TM9SF3: variants seen among roughly 807,000 people sequenced by gnomAD.
TM9SF3 encodes SM-11044-binding protein.
TM9SF3 carries 14 observed loss-of-function variants against 78.6 expected under a neutral mutation model. The observed-to-expected ratio is 0.18, with a 90% CI of 0.12 to 0.28. The LOEUF is 0.28. Ranked by LOEUF, TM9SF3 falls within the 10% of genes least tolerant of loss-of-function variation. The pLI is 1.00. For missense variants in TM9SF3, 496 were observed against 721.9 expected, an observed-to-expected ratio of 0.69 and a Z score of 3.59; for synonymous variants, 231 against 241.7, an observed-to-expected ratio of 0.96 and a Z score of 0.41.
rs141415559 is a variant in TM9SF3, at chr10:96,550,410, T to C, written c.959+835A>G. ...TCAGCAAGGATGTATTGCTTGCCCA[T>C]CAAACGCCAGGCATATAGAGGAAAG... is the stretch of plus-strand genomic sequence containing the variant. On this transcript the variant is annotated intron_variant, in intron 7 of 14. Transcript: ENST00000371142. Among the ~76,000 whole-genome samples the C allele has an allele frequency of 5.7e-3, 873 of 152,270 alleles. 38 individuals carry two copies. The highest frequency in any genetic ancestry group is 0.044 in the Admixed American group (670 of 15,298).
intron 2 of TM9SF3, among the ~76,000 whole-genome samples, chr10:96,567,590 T>G (rs1023986390): frequency 1.3e-5 from 2 of 152,116 alleles, no homozygotes; most frequent in Non-Finnish European, 2.9e-5. Context: ...CCCAGCCCTT[T>G]CCTCCACAAA....
chr10:96,542,994 C>T (rs1848052126), intron 9 of TM9SF3, among the ~76,000 whole-genome samples: 1 of 152,180 alleles, frequency 6.6e-6, no homozygotes, highest in Admixed American at 6.5e-5. Context: ...ATTGTGGGCT[C>T]TAATGGCAGT....
At chr10:96,529,627 A>G (rs1299583313) in intron 11 of TM9SF3, among the ~76,000 whole-genome samples, 1 of 149,020 alleles carries the variant, frequency 6.7e-6, no homozygotes, top group African/African-American at 2.5e-5. Context: ...CAATGAAAAA[A>G]AAGACCATGG....
chr10:96,573,948 G>GT (rs1326094895), intron 2 of TM9SF3, among the ~76,000 whole-genome samples: 1 of 152,124 alleles, frequency 6.6e-6, no homozygotes. Context: ...AGACTTAAAC[G>GT]TAAGACCTAA....
intron 12 of TM9SF3, among the ~76,000 whole-genome samples, chr10:96,527,706 A>G (rs1847854247): frequency 6.6e-6 from 1 of 152,140 alleles, no homozygotes; most frequent in Non-Finnish European, 1.5e-5. Flanking sequence ...CAGATTCCCT[A>G]TTACCAGTGA....
intron 2 of TM9SF3, among the ~76,000 whole-genome samples, chr10:96,574,314 T>C (rs963267274): frequency 4.0e-5 from 6 of 151,838 alleles, no homozygotes; most frequent in Non-Finnish European, 8.8e-5. Flanking sequence ...CCAACGAACA[T>C]ACAAAAAAAA....
intron 2 of TM9SF3, 200 bp downstream of exon 2, chr10:96,576,434 T>A (rs778463781): frequency 2.4e-5 from 9 of 373,342 alleles, no homozygotes; most frequent in Non-Finnish European, 3.3e-5. Flanking sequence ...CAATGTCTGG[T>A]GACTTTTTTG....
At chr10:96,531,396 T>TATA (rs1564928413) in intron 10 of TM9SF3, among the ~76,000 whole-genome samples, 1 of 151,764 alleles carries the variant, frequency 6.6e-6, no homozygotes, top group African/African-American at 2.4e-5. Context: ...TACATATATA[T>TATA]AAAAAACCTC....
Position 96,562,808 on chromosome 10 carries a change from T to C in TM9SF3, c.422-670A>G, listed in dbSNP as rs961250586. Among the ~76,000 whole-genome samples, 15 of 152,316 alleles carry C rather than the reference T, an allele frequency of 9.8e-5. 1 individual carries two copies. The highest frequency in any genetic ancestry group is 3.6e-4 in the African/African-American group (15 of 41,570). On this transcript the variant is annotated intron_variant, in intron 3 of 14. Transcript: ENST00000371142. ...CACAATGTTAGGGAAATATTATAGGTGGTAGCTGAGGATACATCTCTCATG... is the reference window on the plus strand; with the variant it reads ...CACAATGTTAGGGAAATATTATAGGCGGTAGCTGAGGATACATCTCTCATG...
intron 5 of TM9SF3, among the ~76,000 whole-genome samples, chr10:96,556,429 G>T (rs1361404095): frequency 6.6e-6 from 1 of 152,148 alleles, no homozygotes; most frequent in Non-Finnish European, 1.5e-5. Flanking sequence ...TTTAACCAAG[G>T]TCATAGTAAG....
intron 2 of TM9SF3, among the ~76,000 whole-genome samples, chr10:96,570,977 G>GATCC (rs1437205140): frequency 6.6e-6 from 1 of 152,072 alleles, no homozygotes; most frequent in Non-Finnish European, 1.5e-5. Context: ...GACCTCAAGT[G>GATCC]ATCCACCCGC....
intron 9 of TM9SF3, among the ~76,000 whole-genome samples, chr10:96,535,959 A>G (rs1004365203): frequency 6.6e-6 from 1 of 152,244 alleles, no homozygotes; most frequent in Non-Finnish European, 1.5e-5. Context: ...AACAAATAAT[A>G]TATCATGACA....
chr10:96,540,012 T>C (rs556433051), intron 9 of TM9SF3, among the ~76,000 whole-genome samples: 8 of 152,226 alleles, frequency 5.3e-5, no homozygotes, highest in Non-Finnish European at 5.9e-5. Context: ...TACAAAGTGC[T>C]ACACAAATGT....
intron 9 of TM9SF3, among the ~76,000 whole-genome samples, chr10:96,536,857 C>G (rs1459265839): frequency 5.9e-5 from 9 of 152,222 alleles, no homozygotes; most frequent in African/African-American, 2.2e-4. Context: ...TATTCACAGG[C>G]ACGATCATAG....
chr10:96,562,282 A>T, intron 3 of TM9SF3, 144 bp from the exon 4 acceptor site: 1 of 633,552 alleles, frequency 1.6e-6, no homozygotes, highest in Non-Finnish European at 2.6e-6. Flanking sequence ...CTCTCCCTTC[A>T]CCTTCTGCCA....
rs138440607 is a variant in TM9SF3 at position 96,580,561 on chromosome 10, T to C, written c.103-3732A>G. On this transcript the variant is annotated intron_variant, in intron 1 of 14. Transcript: ENST00000371142. ...GATTACAGGCGTGAGCCACTGCGCCTGGCCCCACTTCATCTTCTTTCGTCA... is the reference window on the plus strand; with the variant it reads ...GATTACAGGCGTGAGCCACTGCGCCCGGCCCCACTTCATCTTCTTTCGTCA... Among the ~76,000 whole-genome samples, 1,498 of 152,244 alleles carry C rather than the reference T, an allele frequency of 9.8e-3. 25 individuals carry two copies. Among genetic ancestry groups the C allele is most frequent in the African/African-American group, 0.03 (1,255 of 41,540 alleles).
At chr10:96,533,830 A>T (rs892899003) in intron 9 of TM9SF3, among the ~76,000 whole-genome samples, 2 of 152,220 alleles carry the variant, frequency 1.3e-5, no homozygotes, top group Admixed American at 1.3e-4. Context: ...GCAAAGTCTA[A>T]AATTACAGAG....
Position 96,551,391 on chromosome 10 carries a change from T to C in TM9SF3, c.813A>G (p.Glu271=). Reference sequence around the variant, plus strand: ...CTCCATGCACCTGTTTCCATCCATATTCATCTCCTAGGTCTCTATCCTATA... The same window carrying C: ...CTCCATGCACCTGTTTCCATCCATACTCATCTCCTAGGTCTCTATCCTATA... ...MDDMDRDLGD[E]YGWKQVHGDV... Residue 271 remains glutamate, a synonymous_variant, in exon 7 of 15, where the codon GAA becomes GAG. Coordinates refer to ENST00000371142, the MANE Select transcript of TM9SF3 (RefSeq NM_020123.4). The C allele has an allele frequency of 6.2e-7, 1 of 1,610,272 alleles. No homozygotes were observed. The highest frequency in any genetic ancestry group is 1.3e-5 in the African/African-American group (1 of 74,888).
chr10:96,581,285 T>C (rs898695649), intron 1 of TM9SF3, among the ~76,000 whole-genome samples: 2 of 152,138 alleles, frequency 1.3e-5, no homozygotes, highest in Admixed American at 6.5e-5. Flanking sequence ...GAAGATAATA[T>C]GCTGACGTGG....
Sources: gnomAD v4.1 joint callset for allele counts (sites outside exome capture counted in the v4.1 genomes callset) on GRCh38, gnomAD v4.1.1 for gene constraint, MANE v1.5 for transcripts, NCBI Gene and HGNC (gene_info 2026-07-23, HGNC 2026-07-21) for gene names.